SEL1L2: variants seen among roughly 807,000 people sequenced by gnomAD.
The protein encoded by SEL1L2 is SEL1L2 adaptor subunit of SYVN1 ubiquitin ligase, also known as protein sel-1 homolog 2.
A neutral mutation model predicts 98.8 loss-of-function variants in SEL1L2; 89 were observed. That is an observed-to-expected ratio of 0.90 (90% confidence interval 0.76 to 1.07). The LOEUF (loss-of-function observed/expected upper bound fraction) is 1.07, where lower values mean the gene tolerates loss of function less well. Among genes scored for constraint, SEL1L2 ranks in the 50% least tolerant of loss-of-function variants. SEL1L2 has a pLI of 0.00. For missense variants in SEL1L2, 788 were observed against 812.0 expected (o/e 0.97, Z 0.36); for synonymous variants, 262 against 278.5 (o/e 0.94, Z 0.59).
rs1425020937 is a variant in SEL1L2, at chr20:13,988,213, TA to T, written c.58+2263del. Among the ~76,000 whole-genome samples the T allele has an allele frequency of 2.6e-5, 4 of 152,310 alleles. No homozygotes were observed. The East Asian group carries it at 7.7e-4, about 29-fold the overall frequency. On this transcript the variant is annotated intron_variant, in intron 1 of 19. Transcript: ENST00000284951. ...TTTTTATTTATTTTTGGTTTAATTT[TA>T]AAGAGATGAGGTAGGTTCTCGCTAT...
intron 2 of SEL1L2, among the ~76,000 whole-genome samples, chr20:13,940,524 T>G (rs907085997): frequency 5.9e-5 from 9 of 152,122 alleles, no homozygotes; most frequent in Non-Finnish European, 1.3e-4. Flanking sequence ...GGAGGTGGCA[T>G]TTTACTGAAG....
chr20:13,961,307 CA>C (rs1368415174), intron 1 of SEL1L2, among the ~76,000 whole-genome samples: 1 of 152,164 alleles, frequency 6.6e-6, no homozygotes, highest in African/African-American at 2.4e-5. Flanking sequence ...CTGATTTATG[CA>C]GAACATTTTA....
chr20:13,897,023 A>G (rs1158160631), intron 5 of SEL1L2, among the ~76,000 whole-genome samples: 3 of 152,230 alleles, frequency 2.0e-5, no homozygotes. Flanking sequence ...ACAAACCTAC[A>G]GTAGTCAAAA....
At chr20:13,850,519 T>A (rs994522465) in intron 18 of SEL1L2, among the ~76,000 whole-genome samples, 200 bp from the exon 19 acceptor site, 2 of 152,140 alleles carry the variant, frequency 1.3e-5, no homozygotes, top group Admixed American at 6.5e-5. Flanking sequence ...GAAAGAGAGA[T>A]GTGGTGGAGG....
Position 13,939,040 on chromosome 20 carries a change from G to GGTTTTTTTT in SEL1L2, c.115-7270_115-7269insAAAAAAAAC. ...TCTTTTTGGTTTGTTTGCTTGTTTT[G>GGTTTTTTTT]TTTTTTTTTTTTTTTTTTTCTGAGA... is the stretch of plus-strand genomic sequence containing the variant. On this transcript the variant is annotated intron_variant, in intron 2 of 19. Coordinates refer to ENST00000284951, the MANE Select transcript of SEL1L2 (RefSeq NM_025229.2). Among the ~76,000 whole-genome samples the GGTTTTTTTT allele has an allele frequency of 5.9e-4, 67 of 114,074 alleles. 16 individuals carry two copies. Among genetic ancestry groups the GGTTTTTTTT allele is most frequent in the East Asian group, 3.1e-3 (12 of 3,864 alleles). The allele number at this position is 114,074 out of a possible 152,430, so 74.8% of individuals were successfully genotyped here. A position where few individuals can be genotyped will look rare whatever the true frequency, so the allele number is the denominator to read the frequency against.
chr20:13,902,247 T>C (rs773004250), intron 5 of SEL1L2, among the ~76,000 whole-genome samples: 1 of 152,136 alleles, frequency 6.6e-6, no homozygotes, highest in Non-Finnish European at 1.5e-5. Flanking sequence ...CACTGATTGA[T>C]TAGGGGTGGC....
Position 13,948,550 on chromosome 20 carries a change from T to C in SEL1L2, c.114+7526A>G, listed in dbSNP as rs985531660. On this transcript the variant is annotated intron_variant, in intron 2 of 19. Transcript: ENST00000284951. ...ATGTGCTGGGAAAACTGGATAGCCA[T>C]GTGCAAAAGGATGAAATTGGACCTT... Among the ~76,000 whole-genome samples, 3 of 152,312 alleles carry C rather than the reference T, an allele frequency of 2.0e-5. No homozygotes were observed. The South Asian group carries it at 6.2e-4, about 32-fold the overall frequency.
chr20:13,900,934 G>T (rs1568930595), intron 5 of SEL1L2, among the ~76,000 whole-genome samples: 1 of 151,962 alleles, frequency 6.6e-6, no homozygotes, highest in African/African-American at 2.4e-5. Context: ...GAATCATCTC[G>T]TTTTTATTTA....
Position 13,990,565 on chromosome 20 carries a change from C to G in SEL1L2, c.-31G>C, listed in dbSNP as rs1200624960. ...CTTAAGCAGCTTCTCTTCACTGTAA[C>G]ACAGGCAGAAACTAGGTGATTGGCC... On this transcript the variant is annotated 5_prime_UTR_variant, in exon 1 of 20. Coordinates refer to ENST00000284951, the MANE Select transcript of SEL1L2 (RefSeq NM_025229.2). 6.4e-7 allele frequency: 1 copy of G among 1,570,336 alleles called. No homozygotes were observed. The highest frequency in any genetic ancestry group is 1.4e-5 in the African/African-American group (1 of 73,724).
At chr20:13,849,713 C>T (rs777418584) in intron 19 of SEL1L2, 109 bp from the exon 20 acceptor site, 2 of 1,311,576 alleles carry the variant, frequency 1.5e-6, no homozygotes, top group Non-Finnish European at 1.0e-6. Flanking sequence ...CACCCATTCC[C>T]TTTGCTTCCT....
chr20:13,967,834 A>G (rs894115244), intron 1 of SEL1L2, among the ~76,000 whole-genome samples: 24 of 152,206 alleles, frequency 1.6e-4, no homozygotes, highest in African/African-American at 5.8e-4. Flanking sequence ...TGTAACATCC[A>G]TACAGCAAGA....
intron 1 of SEL1L2, among the ~76,000 whole-genome samples, chr20:13,984,935 C>G (rs2052086732): frequency 6.6e-6 from 1 of 152,094 alleles, no homozygotes; most frequent in Non-Finnish European, 1.5e-5. Context: ...AAGTTTATCA[C>G]TTCTTTGTGT....
chr20:13,920,569 T>A (rs1232631910), intron 3 of SEL1L2, among the ~76,000 whole-genome samples: 3 of 135,494 alleles, frequency 2.2e-5, no homozygotes, highest in African/African-American at 5.7e-5. Context: ...TCTCTCTCTC[T>A]CACACACACT....
At chr20:13,889,318 C>T (rs1465991586) in intron 5 of SEL1L2, among the ~76,000 whole-genome samples, 1 of 151,950 alleles carries the variant, frequency 6.6e-6, no homozygotes, top group African/African-American at 2.4e-5. Context: ...TATAACAGCA[C>T]CCTTTTACAT....
intron 2 of SEL1L2, among the ~76,000 whole-genome samples, chr20:13,954,523 A>G (rs1374828207): frequency 6.6e-6 from 1 of 152,098 alleles, no homozygotes; most frequent in Non-Finnish European, 1.5e-5. Flanking sequence ...CTTTGACACA[A>G]AGGTAGTGTT....
intron 5 of SEL1L2, among the ~76,000 whole-genome samples, chr20:13,908,727 G>C (rs375339921): frequency 1.3e-5 from 2 of 152,272 alleles, no homozygotes; most frequent in South Asian, 4.1e-4. Context: ...GAAAGGTACA[G>C]AATCTCTGAA....
At chr20:13,973,650 C>T (rs756449341) in intron 1 of SEL1L2, among the ~76,000 whole-genome samples, 2 of 152,168 alleles carry the variant, frequency 1.3e-5, no homozygotes, top group East Asian at 1.9e-4. Flanking sequence ...CACCTAATGG[C>T]GATTTGTCTC....
intron 2 of SEL1L2, among the ~76,000 whole-genome samples, chr20:13,948,984 C>A (rs2050140047): frequency 6.6e-6 from 1 of 152,148 alleles, no homozygotes; most frequent in African/African-American, 2.4e-5. Context: ...ATCTATGGAA[C>A]TATTGGGTCA....
intron 3 of SEL1L2, 90 bp downstream of exon 3, chr20:13,931,513 C>A: frequency 2.5e-6 from 2 of 793,064 alleles, no homozygotes; most frequent in Non-Finnish European, 3.6e-6. Flanking sequence ...ATGACTATAT[C>A]CTAAGACTTC....
Sources: allele counts gnomAD v4.1 joint callset (sites outside exome capture counted in the v4.1 genomes callset), GRCh38; gene constraint gnomAD v4.1.1; transcripts MANE v1.5; gene names NCBI Gene and HGNC (gene_info 2026-07-23, HGNC 2026-07-21).